Variants in EPM2A observed in about 807,000 individuals in gnomAD.
EPM2A encodes the protein EPM2A glucan phosphatase, laforin.
Under a neutral mutation model 26.5 loss-of-function variants are expected in EPM2A, and 21 were observed. The observed-to-expected ratio is 0.79, with a 90% CI of 0.56 to 1.14. The LOEUF is 1.14. EPM2A is among the 50% of genes most tolerant of loss of function. The pLI is 0.00. For missense variants in EPM2A, 458 were observed against 440.8 expected (o/e 1.04, Z -0.35); for synonymous variants, 217 against 177.6 (o/e 1.22, Z -1.76).
intron 4 of EPM2A, among the ~76,000 whole-genome samples, chr6:145,467,291 T>G (rs1323950448): frequency 6.6e-6 from 1 of 152,168 alleles, no homozygotes; most frequent in Admixed American, 6.6e-5. Flanking sequence ...CTTAATTTTA[T>G]TTCCAAACTG....
At chr6:145,486,989 C>T (rs749732820) in intron 4 of EPM2A, among the ~76,000 whole-genome samples, 2 of 152,064 alleles carry the variant, frequency 1.3e-5, no homozygotes, top group Non-Finnish European at 2.9e-5. Context: ...TCCTCTCCCT[C>T]CTCTCACCCT....
intron 1 of EPM2A, chr6:145,722,769 T>G: frequency 2.2e-6 from 1 of 453,942 alleles, no homozygotes; most frequent in Non-Finnish European, 4.4e-6. Context: ...GTGGCCCCAA[T>G]CCAATATGAT....
At chr6:145,676,398 TAGC>T (rs1349026760) in intron 2 of EPM2A, among the ~76,000 whole-genome samples, 1 of 151,964 alleles carries the variant, frequency 6.6e-6, no homozygotes, top group Admixed American at 6.5e-5. Flanking sequence ...ATTCAAAAGG[TAGC>T]AGAAGGCAAG....
downstream of EPM2A, among the ~76,000 whole-genome samples, chr6:145,496,778 C>T (rs368019799): frequency 3.1e-4 from 42 of 134,592 alleles, no homozygotes; most frequent in Admixed American, 7.9e-4. Context: ...TCGCCCAGGC[C>T]GGACTGTGGA....
intron 1 of EPM2A, among the ~76,000 whole-genome samples, chr6:145,703,598 A>C (rs1458517528): frequency 2.0e-5 from 3 of 152,210 alleles, no homozygotes; most frequent in Non-Finnish European, 2.9e-5. Flanking sequence ...TCAGTTTAAA[A>C]ATTGCACTGA....
intron 1 of EPM2A, among the ~76,000 whole-genome samples, chr6:145,709,063 C>T (rs1361490506): frequency 6.6e-6 from 1 of 152,172 alleles, no homozygotes; most frequent in Non-Finnish European, 1.5e-5. Context: ...GGTGTATTTA[C>T]CCACTGTCTG....
intron 4 of EPM2A, among the ~76,000 whole-genome samples, chr6:145,427,400 T>A (rs975857112): frequency 6.6e-6 from 1 of 151,642 alleles, no homozygotes; most frequent in Non-Finnish European, 1.5e-5. Flanking sequence ...GGTGAAAGGG[T>A]GAGAGTGGCA....
chr6:145,607,321 A>G (rs925871363), intron 2 of EPM2A, among the ~76,000 whole-genome samples: 4 of 152,178 alleles, frequency 2.6e-5, no homozygotes, highest in African/African-American at 9.7e-5. Context: ...GATTTGTCTA[A>G]TATGATCAAA....
At chr6:145,537,018 G>C (rs1562374124) in intron 2 of EPM2A, among the ~76,000 whole-genome samples, 1 of 152,114 alleles carries the variant, frequency 6.6e-6, no homozygotes, top group Non-Finnish European at 1.5e-5. Context: ...GTACATTTTT[G>C]GCTTTGTCTG....
chr6:145,583,999 T>C (rs1474649404), intron 2 of EPM2A, among the ~76,000 whole-genome samples: 1 of 152,090 alleles, frequency 6.6e-6, no homozygotes, highest in African/African-American at 2.4e-5. Flanking sequence ...AACTGTGTGG[T>C]TTGCTAGCAG....
At chr6:145,491,198 TC>T in intron 4 of EPM2A, 1 of 443,674 alleles carries the variant, frequency 2.3e-6, no homozygotes. Flanking sequence ...CAGGAAATTT[TC>T]CCCGACCCCT....
At chr6:145,389,964 GT>G (rs1778315640) in intron 4 of EPM2A, among the ~76,000 whole-genome samples, 2 of 152,308 alleles carry the variant, frequency 1.3e-5, no homozygotes, top group African/African-American at 4.8e-5. Flanking sequence ...TAATTCTTGT[GT>G]TTTCTTATTT....
intron 2 of EPM2A, among the ~76,000 whole-genome samples, chr6:145,566,635 A>C (rs1780887634): frequency 6.6e-6 from 1 of 152,236 alleles, no homozygotes; most frequent in Non-Finnish European, 1.5e-5. Flanking sequence ...TAAGCTTAAG[A>C]GAGCAAAAAG....
At chr6:145,458,775 T>G (rs577351831) in intron 4 of EPM2A, among the ~76,000 whole-genome samples, 9 of 122,920 alleles carry the variant, frequency 7.3e-5, no homozygotes, top group African/African-American at 2.7e-4. Flanking sequence ...CCAGTTCTGT[T>G]GCTGTTGCCA....
intron 4 of EPM2A, among the ~76,000 whole-genome samples, chr6:145,425,116 C>CCCTTTCTTCCTTCCTT (rs1778836468): frequency 7.6e-6 from 1 of 131,846 alleles, no homozygotes; most frequent in African/African-American, 2.7e-5. Flanking sequence ...ATGTAAGTCT[C>CCCTTTCTTCCTTCCTT]CCTTCCTTCC....
At chr6:145,621,937 T>C (rs745992994), downstream of EPM2A, among the ~76,000 whole-genome samples, 29 of 152,192 alleles carry the variant, frequency 1.9e-4, no homozygotes, top group Non-Finnish European at 2.6e-4. Flanking sequence ...AGAAACCTTT[T>C]AGTTTGATGC....
At chr6:145,653,003 CTA>C (rs1777994369) in intron 2 of EPM2A, among the ~76,000 whole-genome samples, 1 of 152,138 alleles carries the variant, frequency 6.6e-6, no homozygotes, top group African/African-American at 2.4e-5. Flanking sequence ...CCACTGAACT[CTA>C]GGAGCTCACC....
chr6:145,560,548 C>T (rs1008254895), intron 2 of EPM2A, among the ~76,000 whole-genome samples: 5 of 152,074 alleles, frequency 3.3e-5, no homozygotes, highest in Non-Finnish European at 7.4e-5. Flanking sequence ...AGGATTTGGA[C>T]CACAAGCCAG....
chr6:145,681,605 A>C (rs931441407), intron 2 of EPM2A, among the ~76,000 whole-genome samples: 12 of 151,094 alleles, frequency 7.9e-5, no homozygotes, highest in African/African-American at 2.9e-4. Flanking sequence ...TCAGCTTTCT[A>C]CATATGGCTA....
Sources: gnomAD v4.1 joint callset for allele counts (sites outside exome capture counted in the v4.1 genomes callset) on GRCh38, gnomAD v4.1.1 for gene constraint, MANE v1.5 for transcripts, NCBI Gene and HGNC (gene_info 2026-07-23, HGNC 2026-07-21) for gene names.